SOS1: variants seen among roughly 807,000 people sequenced by gnomAD.
SOS1 encodes SOS Ras/Rac guanine nucleotide exchange factor 1, also known as son of sevenless homolog 1.
Under a neutral mutation model 157.6 loss-of-function variants are expected in SOS1, and 25 were observed. The observed-to-expected ratio is 0.16, with a 90% CI of 0.12 to 0.22. The LOEUF is 0.22. SOS1 is among the 10% of genes least tolerant of loss of function. The pLI, the probability that SOS1 is intolerant of heterozygous loss-of-function variation, is 1.00. For synonymous variants in SOS1, 528 were observed against 534.0 expected (o/e 0.99, Z 0.16); for missense variants, 1,237 against 1,599.1 (o/e 0.77, Z 3.86).
chr2:39,094,474 C>T (rs747655422), intron 1 of SOS1, among the ~76,000 whole-genome samples: 5 of 151,756 alleles, frequency 3.3e-5, no homozygotes, highest in African/African-American at 4.9e-5. Context: ...GGTGAAACCC[C>T]GTCTCTACTA....
intron 4 of SOS1, among the ~76,000 whole-genome samples, chr2:39,056,231 A>G (rs1572858856): frequency 6.6e-6 from 1 of 152,268 alleles, no homozygotes; most frequent in Non-Finnish European, 1.5e-5. Context: ...CCTGACCAAC[A>G]TGGTGGAACC....
intron 1 of SOS1, among the ~76,000 whole-genome samples, chr2:39,068,546 G>A (rs1467464382): frequency 3.9e-5 from 6 of 152,134 alleles, no homozygotes; most frequent in Admixed American, 2.6e-4. Context: ...GTGCAGGCAC[G>A]CATATTACAA....
intron 17 of SOS1, among the ~76,000 whole-genome samples, chr2:39,003,464 C>CAT (rs1669178363): frequency 6.6e-6 from 1 of 151,960 alleles, no homozygotes; most frequent in Admixed American, 6.6e-5. Flanking sequence ...AGTTAATGAC[C>CAT]AATTATGTAA....
intron 2 of SOS1, among the ~76,000 whole-genome samples, chr2:39,059,895 G>A (rs914910797): frequency 6.6e-6 from 1 of 152,144 alleles, no homozygotes; most frequent in Non-Finnish European, 1.5e-5. Flanking sequence ...TTAGAAGCAT[G>A]TTGAAAGAAA....
chr2:39,036,833 C>T (rs925294670), intron 6 of SOS1, among the ~76,000 whole-genome samples: 1 of 152,096 alleles, frequency 6.6e-6, no homozygotes, highest in Non-Finnish European at 1.5e-5. Context: ...CCTCGGCCTC[C>T]CAAAGTGCTA....
chr2:39,049,031 C>T (rs910848388), intron 6 of SOS1, among the ~76,000 whole-genome samples: 1 of 152,026 alleles, frequency 6.6e-6, no homozygotes, highest in African/African-American at 2.4e-5. Flanking sequence ...GATTCTCCTG[C>T]CTCAGCGTCC....
intron 1 of SOS1, among the ~76,000 whole-genome samples, chr2:39,082,904 T>G (rs558967906): frequency 6.6e-6 from 1 of 151,812 alleles, no homozygotes; most frequent in African/African-American, 2.4e-5. Flanking sequence ...TGGTTGGGGG[T>G]TTTATAAAGA....
At chr2:39,101,347 G>A (rs768915125) in intron 1 of SOS1, among the ~76,000 whole-genome samples, 1 of 152,164 alleles carries the variant, frequency 6.6e-6, no homozygotes, top group East Asian at 1.9e-4. Flanking sequence ...ACACTGAGAC[G>A]TGAGATTGGA....
In SOS1 at chr2:39,120,426, G is replaced by A. The variant is rs902291229; in HGVS notation, c.-4C>T. 6.3e-7 allele frequency: 1 copy of A among 1,583,010 alleles called. No individual in the cohort carries two copies. The highest frequency in any genetic ancestry group is 8.6e-7 in the Non-Finnish European group (1 of 1,166,978). ...AGGGCAGCTGCTGCGCCTGCATGGT[G>A]CCCCCGGGGCGCCTCTGGGCGGGGA... On this transcript the variant is annotated 5_prime_UTR_variant, in exon 1 of 23. Coordinates refer to ENST00000402219, the MANE Select transcript of SOS1 (RefSeq NM_005633.4).
intron 6 of SOS1, among the ~76,000 whole-genome samples, chr2:39,037,460 G>A (rs1397478975): frequency 6.6e-6 from 1 of 151,996 alleles, no homozygotes; most frequent in Non-Finnish European, 1.5e-5. Flanking sequence ...ATATTCTACT[G>A]TATGAATATA....
rs763838346 is a variant in SOS1 at position 38,981,747 on chromosome 2, C to T, written c.*4077G>A. 6 of 152,006 alleles carry T rather than the reference C, an allele frequency of 3.9e-5. No individual in the cohort carries two copies. The highest frequency in any genetic ancestry group is 6.6e-5 in the Admixed American group (1 of 15,246). The allele number at this position is 152,006 out of a possible 1,614,324, so 9.4% of individuals were successfully genotyped here. On this transcript the variant is annotated 3_prime_UTR_variant, in exon 23 of 23. Transcript: ENST00000402219. ...CACACTTTGTTCTTACATCAAAGAC[C>T]GACCGACAGAGCAATTTTTTGACAA...
chr2:39,117,726 A>C (rs1296130880), intron 1 of SOS1, among the ~76,000 whole-genome samples: 1 of 152,332 alleles, frequency 6.6e-6, no homozygotes, highest in South Asian at 2.1e-4. Context: ...AAGTTATCAC[A>C]GTAGTCTGAC....
At chr2:39,123,767 T>C (rs1673978425), upstream of SOS1, among the ~76,000 whole-genome samples, 1 of 152,190 alleles carries the variant, frequency 6.6e-6, no homozygotes, top group African/African-American at 2.4e-5. Context: ...AGGAATAAAA[T>C]GTGCATGCAG....
rs1668483528 is a variant in SOS1, at chr2:38,984,200, G to A, written c.*1624C>T. On this transcript the variant is annotated 3_prime_UTR_variant, in exon 23 of 23. Transcript: ENST00000402219. ...CTTCATTATTCAGAGGATACATGCA[G>A]ATGCTGATGAACCAGATAAACTCTC... is the stretch of plus-strand genomic sequence containing the variant. The A allele has an allele frequency of 1.2e-5, 1 of 83,012 alleles. No homozygotes were observed. Among genetic ancestry groups the A allele is most frequent in the East Asian group, 2.9e-4 (1 of 3,468 alleles). 5.1% of individuals were successfully genotyped at this position (83,012 alleles called of 1,614,324 possible).
intron 10 of SOS1, among the ~76,000 whole-genome samples, chr2:39,015,460 A>G (rs1035999909): frequency 2.6e-5 from 4 of 152,104 alleles, no homozygotes; most frequent in East Asian, 1.9e-4. Context: ...GTTTGGTCCT[A>G]TTCCAACCTT....
chr2:38,981,613 TAAC>T lies in SOS1; in HGVS notation c.*4208_*4210del, dbSNP rs1313001187. The T allele has an allele frequency of 6.6e-6, 1 of 152,014 alleles. No homozygotes were observed. The highest frequency in any genetic ancestry group is 1.5e-5 in the Non-Finnish European group (1 of 67,972). The allele number at this position is 152,014 out of a possible 1,614,324, so 9.4% of individuals were successfully genotyped here. ...GTTTATCTTAGTAATGCCAGAAAAA[TAAC>T]AGCCGTTATTTTCACTTTAAATGCA... On this transcript the variant is annotated 3_prime_UTR_variant, in exon 23 of 23. Transcript: ENST00000402219.
chr2:38,988,419 A>G (rs1425424657), intron 21 of SOS1, among the ~76,000 whole-genome samples: 1 of 152,178 alleles, frequency 6.6e-6, no homozygotes, highest in Non-Finnish European at 1.5e-5. Flanking sequence ...CACTTAAGTT[A>G]GTTGTTTATA....
intron 17 of SOS1, among the ~76,000 whole-genome samples, chr2:38,998,306 A>G (rs918326138): frequency 2.6e-5 from 4 of 151,834 alleles, no homozygotes; most frequent in African/African-American, 7.3e-5. Context: ...CTAGAGTGCA[A>G]TGGCACGATC....
At chr2:39,044,924 C>T (rs927810452) in intron 6 of SOS1, among the ~76,000 whole-genome samples, 216 of 152,112 alleles carry the variant, frequency 1.4e-3, no homozygotes, top group African/African-American at 5.1e-3. Flanking sequence ...TACAGGATCC[C>T]ATGCAGATAC....
Sources: allele counts gnomAD v4.1 joint callset (sites outside exome capture counted in the v4.1 genomes callset), GRCh38; gene constraint gnomAD v4.1.1; transcripts MANE v1.5; gene names NCBI Gene and HGNC (gene_info 2026-07-23, HGNC 2026-07-21).